The following TIMP3 variants were observed in gnomAD, a reference collection of about 807,000 sequenced individuals.
The protein encoded by TIMP3 is metalloproteinase inhibitor 3.
TIMP3 carries 11 observed loss-of-function variants against 30.0 expected under a neutral mutation model. The ratio of observed to expected loss-of-function variants is 0.37; its 90% CI spans 0.23 to 0.61. TIMP3 has a LOEUF of 0.61. Among genes scored for constraint, TIMP3 ranks in the 20% least tolerant of loss-of-function variants. TIMP3 has a pLI of 0.70. For synonymous variants in TIMP3, 112 were observed against 111.3 expected, an observed-to-expected ratio of 1.01 and a Z score of -0.04; for missense variants, 181 against 276.8, an observed-to-expected ratio of 0.65 and a Z score of 2.45.
At chr22:32,843,120 A>C (rs2047960935) in intron 1 of TIMP3, among the ~76,000 whole-genome samples, 1 of 152,036 alleles carries the variant, frequency 6.6e-6, no homozygotes. Context: ...AACTGCTTAC[A>C]GGCTACCTGA....
intron 2 of TIMP3, among the ~76,000 whole-genome samples, chr22:32,850,664 C>T (rs913987741): frequency 6.6e-6 from 1 of 152,130 alleles, no homozygotes; most frequent in Non-Finnish European, 1.5e-5. Flanking sequence ...GTGGGGTGTG[C>T]TGAGGTCCAC....
At chr22:32,853,846 AG>A (rs1248197149) in intron 2 of TIMP3, among the ~76,000 whole-genome samples, 2 of 152,230 alleles carry the variant, frequency 1.3e-5, no homozygotes, top group Admixed American at 1.3e-4. Context: ...CCCATTTTAC[AG>A]ATGAAGAAAC....
At chr22:32,820,418 A>C (rs2047214443) in intron 1 of TIMP3, among the ~76,000 whole-genome samples, 1 of 151,114 alleles carries the variant, frequency 6.6e-6, no homozygotes, top group Admixed American at 6.6e-5. Flanking sequence ...TCCTCTGCTC[A>C]TCCACCCATT....
chr22:32,814,300 G>GGA (rs141770370), intron 1 of TIMP3, among the ~76,000 whole-genome samples: 16 of 81,876 alleles, frequency 2.0e-4, no homozygotes, highest in African/African-American at 8.8e-4. Context: ...AAGGAAGGAA[G>GGA]GAGAGAGAGA....
At chr22:32,850,377 C>T (rs1279574840) in intron 2 of TIMP3, among the ~76,000 whole-genome samples, 1 of 152,024 alleles carries the variant, frequency 6.6e-6, no homozygotes, top group Non-Finnish European at 1.5e-5. Context: ...GCATTCTAAG[C>T]ACCCTGGGAT....
chr22:32,844,763 G>A (rs1406617209), intron 1 of TIMP3, among the ~76,000 whole-genome samples: 1 of 151,278 alleles, frequency 6.6e-6, no homozygotes, highest in Non-Finnish European at 1.5e-5. Context: ...AGGCTGGAGT[G>A]TAATGGCATG....
chr22:32,832,903 T>A (rs76605417), intron 1 of TIMP3, among the ~76,000 whole-genome samples: 1 of 152,062 alleles, frequency 6.6e-6, no homozygotes, highest in African/African-American at 2.4e-5. Context: ...AATTTTTTTT[T>A]CGTGGTTTTC....
intron 1 of TIMP3, among the ~76,000 whole-genome samples, chr22:32,804,520 T>C (rs1255319139): frequency 2.0e-5 from 3 of 152,180 alleles, no homozygotes; most frequent in East Asian, 1.9e-4. Flanking sequence ...AAAACCATCA[T>C]GGTGGTTTTC....
In TIMP3 at chr22:32,857,350, C is replaced by T. The variant is rs201713879; in HGVS notation, c.306C>T (p.Tyr102=). Residue 102 remains tyrosine, a synonymous_variant, in exon 3 of 5, where the codon TAC becomes TAT. Transcript: ENST00000266085. ...GLKLEVNKYQ[Y]LLTGRVYDGK... is the part of the protein sequence containing the mutation. ...AGCTGGAGGTCAACAAGTACCAGTA[C>T]CTGCTGACAGGTAATGGCCAACTCT... 5.0e-6 allele frequency: 8 copies of T among 1,613,788 alleles called. No individual in the cohort carries two copies. In the East Asian group the frequency reaches 1.6e-4, roughly 31 times the overall value.
At chr22:32,848,332 A>G (rs976707753) in intron 1 of TIMP3, among the ~76,000 whole-genome samples, 2 of 152,180 alleles carry the variant, frequency 1.3e-5, no homozygotes, top group East Asian at 1.9e-4. Context: ...TCTTTCGTTC[A>G]ATCCTGATTC....
intron 1 of TIMP3, among the ~76,000 whole-genome samples, chr22:32,806,884 T>A (rs1247414132): frequency 6.6e-6 from 1 of 152,044 alleles, no homozygotes; most frequent in Non-Finnish European, 1.5e-5. Flanking sequence ...CTTTTCTTCC[T>A]ATACATTTAC....
At chr22:32,839,165 A>G (rs1336251731) in intron 1 of TIMP3, among the ~76,000 whole-genome samples, 1 of 152,056 alleles carries the variant, frequency 6.6e-6, no homozygotes, top group Non-Finnish European at 1.5e-5. Context: ...TCAGAGTGAT[A>G]GGGTTTGAGG....
chr22:32,857,379 T>G lies in TIMP3; in HGVS notation c.316+19T>G. ...CTGACAGGTAATGGCCAACTCTAGC[T>G]TCTAGGCCAGGGTTTGGCCAAGGTC... On this transcript the variant is annotated intron_variant, in intron 3 of 4. Coordinates refer to ENST00000266085, the MANE Select transcript of TIMP3 (RefSeq NM_000362.5). The G allele has an allele frequency of 1.3e-6, 2 of 1,596,656 alleles. No individual in the cohort carries two copies. Among genetic ancestry groups the G allele is most frequent in the Non-Finnish European group, 8.6e-7 (1 of 1,164,312 alleles).
Position 32,831,462 on chromosome 22 carries a change from T to G in TIMP3, c.122-17990T>G, listed in dbSNP as rs371359311. ...ATGATCAGGGCAGCGGGGCTGGATTTTCATCTTCATGGCTGTGCACATCTC... is the reference window on the plus strand; with the variant it reads ...ATGATCAGGGCAGCGGGGCTGGATTGTCATCTTCATGGCTGTGCACATCTC... On this transcript the variant is annotated intron_variant, in intron 1 of 4. Transcript: ENST00000266085. Among the ~76,000 whole-genome samples the G allele has an allele frequency of 5.9e-5, 9 of 152,268 alleles. No individual in the cohort carries two copies. In the East Asian group the frequency reaches 1.5e-3, roughly 26 times the overall value.
At chr22:32,836,687 G>T (rs2047739045) in intron 1 of TIMP3, among the ~76,000 whole-genome samples, 1 of 152,152 alleles carries the variant, frequency 6.6e-6, no homozygotes, top group Non-Finnish European at 1.5e-5. Context: ...TGGAAGGGAG[G>T]TGCTGAGTGA....
At chr22:32,857,484 T>A in intron 3 of TIMP3, 124 bp downstream of exon 3, 4 of 787,050 alleles carry the variant, frequency 5.1e-6, no homozygotes, top group Non-Finnish European at 8.8e-6. Context: ...GAGTCTCTAA[T>A]GTTGAATTCA....
intron 1 of TIMP3, among the ~76,000 whole-genome samples, chr22:32,821,817 TC>T (rs1030452263): frequency 6.6e-6 from 1 of 152,114 alleles, no homozygotes; most frequent in Non-Finnish European, 1.5e-5. Flanking sequence ...GCCTCATGGT[TC>T]CCCCGTCACT....
intron 1 of TIMP3, among the ~76,000 whole-genome samples, chr22:32,826,808 A>C (rs1312797083): frequency 3.3e-5 from 5 of 152,146 alleles, no homozygotes; most frequent in Non-Finnish European, 7.4e-5. Context: ...TGGGGGAGTG[A>C]GTGCATGTGG....
At chr22:32,849,413 G>C in intron 1 of TIMP3, 39 bp from the exon 2 acceptor site, 1 of 1,590,082 alleles carries the variant, frequency 6.3e-7, no homozygotes, top group Non-Finnish European at 8.6e-7. Context: ...TGTGGTTCAG[G>C]CCTTCCTAAC....
Sources: gnomAD v4.1 joint callset for allele counts (sites outside exome capture counted in the v4.1 genomes callset) on GRCh38, gnomAD v4.1.1 for gene constraint, MANE v1.5 for transcripts, NCBI Gene and HGNC (gene_info 2026-07-23, HGNC 2026-07-21) for gene names.